The following SGCD variants were observed in gnomAD, a reference collection of about 807,000 sequenced individuals.
The protein encoded by SGCD is sarcoglycan delta, also known as delta-sarcoglycan.
Under a neutral mutation model 36.6 loss-of-function variants are expected in SGCD, and 18 were observed. The observed-to-expected ratio is 0.49, with a 90% CI of 0.34 to 0.73. The LOEUF is 0.73. Ranked by LOEUF, SGCD falls within the 30% of genes least tolerant of loss-of-function variation. The pLI, the probability that SGCD is intolerant of heterozygous loss-of-function variation, is 0.01. For synonymous variants in SGCD, 133 were observed against 130.6 expected (o/e 1.02, Z -0.12); for missense variants, 387 against 346.7 (o/e 1.12, Z -0.92).
At chr5:156,091,072 A>G (rs374256833) in intron 1 of SGCD, among the ~76,000 whole-genome samples, 3 of 152,170 alleles carry the variant, frequency 2.0e-5, no homozygotes, top group Non-Finnish European at 4.4e-5. Flanking sequence ...CAGGGTCCTG[A>G]GGTGACATAC....
chr5:155,765,587 T>C, the SGCD span, among the ~76,000 whole-genome samples: 1 of 152,140 alleles, frequency 6.6e-6, no homozygotes, highest in Non-Finnish European at 1.5e-5. Context: ...AATTGAACTT[T>C]TCTTCTGAGG....
intron 3 of SGCD, among the ~76,000 whole-genome samples, chr5:156,217,680 A>T (rs1198279990): frequency 6.6e-6 from 1 of 152,134 alleles, no homozygotes; most frequent in East Asian, 1.9e-4. Context: ...CAATTTTTTA[A>T]TTGCTTCAAA....
chr5:156,598,031 A>T (rs1210484887), intron 6 of SGCD, among the ~76,000 whole-genome samples: 3 of 152,158 alleles, frequency 2.0e-5, no homozygotes, highest in African/African-American at 7.2e-5. Context: ...GAAGGGGAAC[A>T]TTGCCCAAGA....
rs565146648 is a variant in SGCD at position 156,294,405 on chromosome 5, T to C, written c.-43-35129T>C. Among the ~76,000 whole-genome samples, 7 of 152,166 alleles carry C rather than the reference T, an allele frequency of 4.6e-5. No homozygotes were observed. In the South Asian group the frequency reaches 1.5e-3, roughly 32 times the overall value. ...TGAGGTTCGGAGTTCAAGACTGGCC[T>C]GGTCAACATAAAGACCAAGTCTCTA... On this transcript the variant is annotated intron_variant, in intron 3 of 9. Transcript: ENST00000517913.
At position 156,766,000 on chromosome 5, in the gene SGCD, TATTA is replaced by T. The variant is rs1200078584; in HGVS notation, c.*6614_*6617del. ...ATAGAATCTAGAACAACAACAAAAA[TATTA>T]ATTTTTTCTGTGTATGCTTAGGTCA... On this transcript the variant is annotated 3_prime_UTR_variant, in exon 9 of 9. Transcript: ENST00000337851. 1 of 147,050 alleles carries T rather than the reference TATTA, an allele frequency of 6.8e-6. No homozygotes were observed. The highest frequency in any genetic ancestry group is 1.5e-5 in the Non-Finnish European group (1 of 66,728). The allele number at this position is 147,050 out of a possible 1,614,324, so 9.1% of individuals were successfully genotyped here. A position where few individuals can be genotyped will look rare whatever the true frequency, so the allele number is the denominator to read the frequency against.
chr5:156,576,817 C>G (rs1360313370), intron 4 of SGCD, among the ~76,000 whole-genome samples: 2 of 151,854 alleles, frequency 1.3e-5, no homozygotes, highest in African/African-American at 4.8e-5. Flanking sequence ...TGGATATTAG[C>G]CTTTTGTTAG....
intron 3 of SGCD, among the ~76,000 whole-genome samples, chr5:156,423,304 A>G (rs1773467454): frequency 1.3e-5 from 1 of 75,974 alleles, no homozygotes; most frequent in Non-Finnish European, 2.4e-5. Context: ...AATATAATAT[A>G]TTTTATTATA....
chr5:156,597,665 A>G (rs963171361), intron 6 of SGCD, among the ~76,000 whole-genome samples: 2 of 152,114 alleles, frequency 1.3e-5, no homozygotes, highest in African/African-American at 2.4e-5. Flanking sequence ...GAGACATTGG[A>G]GTCTTAGTAT....
intron 4 of SGCD, among the ~76,000 whole-genome samples, chr5:156,540,135 G>A (rs1263640735): frequency 6.6e-6 from 1 of 152,138 alleles, no homozygotes; most frequent in African/African-American, 2.4e-5. Context: ...ACTTCTAACT[G>A]TAAAGGCCTT....
chr5:156,405,309 A>G (rs183875939), intron 3 of SGCD, among the ~76,000 whole-genome samples: 6 of 152,330 alleles, frequency 3.9e-5, no homozygotes, highest in Admixed American at 1.3e-4. Flanking sequence ...GCCACTAAAC[A>G]TATCATCTTC....
chr5:156,122,415 A>T (rs1460161788), intron 2 of SGCD, among the ~76,000 whole-genome samples: 1 of 152,166 alleles, frequency 6.6e-6, no homozygotes, highest in Non-Finnish European at 1.5e-5. Flanking sequence ...GATATGTGGT[A>T]TGAGTTTACA....
At chr5:156,340,026 A>T (rs1211697430) in intron 2 of SGCD, among the ~76,000 whole-genome samples, 1 of 152,210 alleles carries the variant, frequency 6.6e-6, no homozygotes, top group Non-Finnish European at 1.5e-5. Flanking sequence ...TTAAATATTG[A>T]TGGTTGTAAT....
At chr5:156,757,263 C>CCAAA (rs1200776914) in intron 7 of SGCD, among the ~76,000 whole-genome samples, 2 of 69,386 alleles carry the variant, frequency 2.9e-5, no homozygotes, top group African/African-American at 1.2e-4. Context: ...CTTACTTTTA[C>CCAAA]AAAAAAAAAA....
At chr5:156,034,265 A>C (rs1561690085) in intron 1 of SGCD, among the ~76,000 whole-genome samples, 1 of 152,320 alleles carries the variant, frequency 6.6e-6, no homozygotes, top group East Asian at 1.9e-4. Context: ...ATTTGCTCTG[A>C]ATTCTGTCTT....
chr5:155,756,531 C>G, the SGCD span, among the ~76,000 whole-genome samples: 2 of 152,134 alleles, frequency 1.3e-5, no homozygotes, highest in Non-Finnish European at 2.9e-5. Flanking sequence ...CGGTTACTTT[C>G]AAGGACCATC....
chr5:156,391,016 A>G (rs1368436614), intron 3 of SGCD, among the ~76,000 whole-genome samples: 1 of 152,188 alleles, frequency 6.6e-6, no homozygotes, highest in Non-Finnish European at 1.5e-5. Context: ...GCAATATCCT[A>G]GGCTCTCACA....
At chr5:156,587,770 T>A (rs1760553862) in intron 4 of SGCD, among the ~76,000 whole-genome samples, 1 of 152,152 alleles carries the variant, frequency 6.6e-6, no homozygotes, top group South Asian at 2.1e-4. Flanking sequence ...TCAGGAATTC[T>A]TCTTTGCTTC....
chr5:156,016,625 G>A (rs1446870762), intron 1 of SGCD, among the ~76,000 whole-genome samples: 1 of 151,810 alleles, frequency 6.6e-6, no homozygotes, highest in Non-Finnish European at 1.5e-5. Flanking sequence ...ACTTTCTCTT[G>A]TTTCTTACAC....
At chr5:156,154,522 T>G (rs1263340683) in intron 3 of SGCD, among the ~76,000 whole-genome samples, 3 of 151,806 alleles carry the variant, frequency 2.0e-5, no homozygotes, top group Non-Finnish European at 2.9e-5. Context: ...CCTTACCAGC[T>G]TTTTGTCATG....
Sources: gnomAD v4.1 joint callset for allele counts (sites outside exome capture counted in the v4.1 genomes callset) on GRCh38, gnomAD v4.1.1 for gene constraint, MANE v1.5 for transcripts, NCBI Gene and HGNC (gene_info 2026-07-23, HGNC 2026-07-21) for gene names.